The following SEZ6 variants were observed in gnomAD, a reference collection of about 807,000 sequenced individuals.
SEZ6 encodes seizure protein 6 homolog.
In SEZ6, 53 loss-of-function variants were observed where a neutral mutation model predicts 101.0. The ratio of observed to expected loss-of-function variants is 0.52; its 90% CI spans 0.42 to 0.66. The LOEUF (loss-of-function observed/expected upper bound fraction) is 0.66. SEZ6 is among the 30% of genes least tolerant of loss of function. The probability of loss-of-function intolerance (pLI) is 0.00; values close to 1 mark genes in which losing one functional copy is unlikely to be tolerated. For synonymous variants in SEZ6, 488 were observed against 512.2 expected, an observed-to-expected ratio of 0.95 and a Z score of 0.64; for missense variants, 1,102 against 1,289.4, an observed-to-expected ratio of 0.85 and a Z score of 2.23.
At chr17:28,973,263 C>T (rs571170062) in intron 3 of SEZ6, among the ~76,000 whole-genome samples, 1 of 152,342 alleles carries the variant, frequency 6.6e-6, no homozygotes, top group Admixed American at 6.5e-5. Context: ...GACAAGGCAG[C>T]TCCCTATCCT....
At chr17:28,982,141 C>A (rs1279074777) in intron 1 of SEZ6, 102 bp from the exon 2 acceptor site, 1 of 1,439,800 alleles carries the variant, frequency 6.9e-7, no homozygotes, top group South Asian at 1.5e-5. Context: ...TGACAGACAG[C>A]CCTGAGGAGC....
rs1326884793 is a variant in SEZ6, at chr17:28,964,107, A to C, written c.1095T>G (p.Tyr365Ter). 1 of 1,603,206 alleles carries C rather than the reference A, an allele frequency of 6.2e-7. No individual in the cohort carries two copies. Among genetic ancestry groups the C allele is most frequent in the Non-Finnish European group, 8.5e-7 (1 of 1,174,828 alleles). Residue 365 changes from tyrosine (Y) to a stop codon, truncating the protein, a stop_gained, in exon 5 of 17, where the codon TAT (tyrosine) becomes TAG (stop). Coordinates refer to ENST00000317338, the MANE Select transcript of SEZ6 (RefSeq NM_178860.5). LOFTEE classifies it high-confidence loss of function. ...GGAGGCTGGTGACAGTCACATCTCCATAAGCTGGACGACGGGGAAAGTGGC... is the reference window on the plus strand; with the variant it reads ...GGAGGCTGGTGACAGTCACATCTCCCTAAGCTGGACGACGGGGAAAGTGGC... ...LSCHFPRRPA[Y>*]GDVTVTSLHP...
intron 13 of SEZ6, 33 bp from the exon 14 acceptor site, chr17:28,956,790 G>A (rs1441952286): frequency 6.4e-7 from 1 of 1,557,158 alleles, no homozygotes; most frequent in Non-Finnish European, 8.7e-7. Context: ...AGGGCAGTGA[G>A]TGAGCCCAAT....
intron 5 of SEZ6, among the ~76,000 whole-genome samples, chr17:28,962,164 CTG>C (rs1310693127): frequency 6.6e-6 from 1 of 152,238 alleles, no homozygotes; most frequent in African/African-American, 2.4e-5. Flanking sequence ...GCACACTTCA[CTG>C]TGTGCTCACT....
intron 1 of SEZ6, among the ~76,000 whole-genome samples, chr17:28,984,208 G>A (rs1030537254): frequency 1.1e-4 from 17 of 152,176 alleles, no homozygotes; most frequent in African/African-American, 4.1e-4. Flanking sequence ...ATCTGAATAA[G>A]TTACGGAAGG....
chr17:28,979,540 C>A lies in SEZ6; in HGVS notation c.858+140G>T, dbSNP rs896952804. On this transcript the variant is annotated intron_variant, in intron 3 of 16. Coordinates refer to ENST00000317338, the MANE Select transcript of SEZ6 (RefSeq NM_178860.5). ...GGGGCAGAATCTAACCATTTAGGCCCATCTCCCAGCCCTGGCCTTAGGCGA... is the reference window on the plus strand; with the variant it reads ...GGGGCAGAATCTAACCATTTAGGCCAATCTCCCAGCCCTGGCCTTAGGCGA... The A allele has an allele frequency of 6.3e-6, 8 of 1,260,894 alleles. No individual in the cohort carries two copies. The Middle Eastern group carries it at 6.0e-4, about 94-fold the overall frequency. 78.1% of individuals were successfully genotyped at this position (1,260,894 alleles called of 1,614,324 possible). A position where few individuals can be genotyped will look rare whatever the true frequency, so the allele number is the denominator to read the frequency against.
At chr17:28,971,222 A>T (rs893964321) in intron 3 of SEZ6, among the ~76,000 whole-genome samples, 1 of 152,184 alleles carries the variant, frequency 6.6e-6, no homozygotes, top group Admixed American at 6.5e-5. Context: ...TTATAAAACG[A>T]ACTAGTGGAG....
At chr17:28,996,266 G>T (rs1450707544) in intron 1 of SEZ6, among the ~76,000 whole-genome samples, 1 of 152,080 alleles carries the variant, frequency 6.6e-6, no homozygotes, top group African/African-American at 2.4e-5. Context: ...AGGTTGTAGA[G>T]GCAGAGGGAG....
rs920958116 is a variant in SEZ6 at position 28,981,900 on chromosome 17, C to G, written c.195G>C (p.Lys65Asn). Residue 65 changes from lysine (K) to asparagine (N), a missense_variant, in exon 2 of 17, where the codon AAG (lysine) becomes AAC (asparagine). Transcript: ENST00000317338. ...CAAGCAGCGGGTGGTGGTTGAGCAGCTTCAAGGTGGGGGCTGTTGTGACAA... is the reference window on the plus strand; with the variant it reads ...CAAGCAGCGGGTGGTGGTTGAGCAGGTTCAAGGTGGGGGCTGTTGTGACAA... ...VHFVTTAPTL[K>N]LLNHHPLLEE... The G allele has an allele frequency of 5.0e-6, 8 of 1,613,828 alleles. No homozygotes were observed. The Admixed American group carries it at 1.0e-4, about 20-fold the overall frequency.
intron 3 of SEZ6, among the ~76,000 whole-genome samples, chr17:28,977,544 C>T (rs1423537818): frequency 6.6e-6 from 1 of 152,232 alleles, no homozygotes; most frequent in Non-Finnish European, 1.5e-5. Context: ...AATGTGGCAG[C>T]ACCAGACAAC....
In SEZ6 at chr17:28,955,937, G is replaced by C; in HGVS notation, c.*25C>G. On this transcript the variant is annotated 3_prime_UTR_variant, in exon 17 of 17. Coordinates refer to ENST00000317338, the MANE Select transcript of SEZ6 (RefSeq NM_178860.5). Reference sequence around the variant, plus strand: ...GTGCAAGTCTGAGTTGACTTCCCTAGACTGCCCCCACCTAGATGGAGACTT... The same window carrying C: ...GTGCAAGTCTGAGTTGACTTCCCTACACTGCCCCCACCTAGATGGAGACTT... 6.2e-7 allele frequency: 1 copy of C among 1,610,412 alleles called. No individual in the cohort carries two copies. The highest frequency in any genetic ancestry group is 8.5e-7 in the Non-Finnish European group (1 of 1,178,354).
At chr17:29,000,321 A>G (rs982961649) in intron 1 of SEZ6, among the ~76,000 whole-genome samples, 1 of 152,348 alleles carries the variant, frequency 6.6e-6, no homozygotes, top group East Asian at 1.9e-4. Context: ...TACTGGCTGT[A>G]CAGCCTCAGG....
At chr17:28,963,257 T>A (rs1162305311) in intron 5 of SEZ6, among the ~76,000 whole-genome samples, 2 of 151,380 alleles carry the variant, frequency 1.3e-5, no homozygotes, top group Non-Finnish European at 2.9e-5. Context: ...GACCTGGGAG[T>A]CCCCTTTCCC....
Position 28,956,375 on chromosome 17 carries a change from C to G in SEZ6, c.2824G>C (p.Gly942Arg). The G allele has an allele frequency of 6.4e-7, 1 of 1,573,094 alleles. No homozygotes were observed. Among genetic ancestry groups the G allele is most frequent in the Non-Finnish European group, 8.6e-7 (1 of 1,159,104 alleles). ...CTGGAGAAGTAGAAGTATACACCTC[C>G]TACCAACAACACCATCGCCACCAGT... Reference protein sequence around the residue: ...LPLVAMVLLVGGVYFYFSRLQ... With the variant: ...LPLVAMVLLVRGVYFYFSRLQ... Residue 942 changes from glycine to arginine, a missense_variant, in exon 15 of 17, where the codon GGA (glycine) becomes CGA (arginine). Gly to Arg is a moderately radical substitution (Grantham distance 125). This residue lies in a region of SEZ6 where 140 missense variants were observed against 135.7 expected (regional missense o/e 1.03). Coordinates refer to ENST00000317338, the MANE Select transcript of SEZ6 (RefSeq NM_178860.5).
chr17:28,998,308 G>C (rs987673871), intron 1 of SEZ6, among the ~76,000 whole-genome samples: 1 of 152,078 alleles, frequency 6.6e-6, no homozygotes, highest in Non-Finnish European at 1.5e-5. Flanking sequence ...ACCAGTTAGA[G>C]GGAGGGGCTT....
rs761276500 is a variant in SEZ6 at position 28,979,641 on chromosome 17, C to T, written c.858+39G>A. On this transcript the variant is annotated intron_variant, in intron 3 of 16. Transcript: ENST00000317338. The stretch of plus-strand genomic sequence containing the variant: ...GCCTCTCTGAAGAAAGAGAATACAC[C>T]CGCCCCAGCTTTGCCCTTGCCAGAT... 14 of 1,613,344 alleles carry T rather than the reference C, an allele frequency of 8.7e-6. No individual in the cohort carries two copies. The South Asian group carries it at 1.1e-4, about 13-fold the overall frequency.
intron 1 of SEZ6, among the ~76,000 whole-genome samples, chr17:28,992,359 C>T (rs972313105): frequency 2.6e-5 from 4 of 152,060 alleles, no homozygotes; most frequent in Admixed American, 6.5e-5. Context: ...CATGTGTGCA[C>T]GTGCGTGTGT....
rs1461981465 is a variant in SEZ6 at position 28,957,944 on chromosome 17, C to T, written c.2302+3G>A. ...GGGGAGCGTGGGGAACAGGTATACT[C>T]ACCCCTCTGGCATGAGGGCAGGTCC... On this transcript the variant is annotated splice_donor_region_variant and intron_variant, in intron 11 of 16. Transcript: ENST00000317338. 2.5e-6 allele frequency: 4 copies of T among 1,612,300 alleles called. No individual in the cohort carries two copies. Among genetic ancestry groups the T allele is most frequent in the Non-Finnish European group, 2.5e-6 (3 of 1,178,678 alleles).
chr17:28,988,943 G>C (rs1393464656), intron 1 of SEZ6, among the ~76,000 whole-genome samples: 1 of 152,208 alleles, frequency 6.6e-6, no homozygotes, highest in Non-Finnish European at 1.5e-5. Flanking sequence ...GTCTGGAGCT[G>C]TCTTTTATCT....
Sources: allele counts gnomAD v4.1 joint callset (sites outside exome capture counted in the v4.1 genomes callset), GRCh38; gene constraint gnomAD v4.1.1; regional missense constraint gnomAD v4.1.1; transcripts MANE v1.5; gene names NCBI Gene and HGNC (gene_info 2026-07-23, HGNC 2026-07-21).